The following RSRC1 variants were observed in gnomAD, a reference collection of about 807,000 sequenced individuals.
RSRC1 encodes serine/Arginine-related protein 53.
RSRC1 carries 39 observed loss-of-function variants against 49.1 expected under a neutral mutation model. The observed-to-expected ratio is 0.79, with a 90% CI of 0.61 to 1.04. RSRC1 has a LOEUF of 1.04. Ranked by LOEUF, RSRC1 falls within the 50% of genes least tolerant of loss-of-function variation. The pLI, the probability that RSRC1 is intolerant of heterozygous loss-of-function variation, is 0.00. For synonymous variants in RSRC1, 143 were observed against 130.8 expected (o/e 1.09, Z -0.63); for missense variants, 388 against 402.4 (o/e 0.96, Z 0.31).
intron 5 of RSRC1, among the ~76,000 whole-genome samples, chr3:158,348,334 G>A (rs1370474758): frequency 1.3e-5 from 2 of 152,120 alleles, no homozygotes; most frequent in Non-Finnish European, 2.9e-5. Flanking sequence ...TATAAGGATA[G>A]GCTTCTCTCT....
rs561167959 is a variant in RSRC1, at chr3:158,324,296, A to C, written c.531+26221A>C. Among the ~76,000 whole-genome samples the C allele has an allele frequency of 5.4e-3, 823 of 152,050 alleles. 4 individuals carry two copies. Among genetic ancestry groups the C allele is most frequent in the Non-Finnish European group, 9.6e-3 (651 of 67,994 alleles). ...TGTGCACAACGTGCAGGTTTGTTAC[A>C]TATGTATACATGTGCCATGTTGGTG... is the stretch of plus-strand genomic sequence containing the variant. On this transcript the variant is annotated intron_variant, in intron 5 of 9. Coordinates refer to ENST00000611884, the MANE Select transcript of RSRC1 (RefSeq NM_001271838.2).
At chr3:158,494,153 A>G (rs1739206603) in intron 7 of RSRC1, among the ~76,000 whole-genome samples, 1 of 152,168 alleles carries the variant, frequency 6.6e-6, no homozygotes, top group African/African-American at 2.4e-5. Context: ...ATTGTAGAGT[A>G]TACTCTCACA....
At chr3:158,353,419 C>T (rs1730982244) in intron 5 of RSRC1, among the ~76,000 whole-genome samples, 1 of 152,184 alleles carries the variant, frequency 6.6e-6, no homozygotes, top group South Asian at 2.1e-4. Context: ...AAATAATGAA[C>T]TCTTATTGTT....
chr3:158,448,261 GAATA>G (rs1201260950), intron 6 of RSRC1, among the ~76,000 whole-genome samples: 1 of 149,904 alleles, frequency 6.7e-6, no homozygotes, highest in African/African-American at 2.4e-5. Flanking sequence ...TTCTTTGAGA[GAATA>G]AATATCACAG....
chr3:158,296,813 G>C (rs1277758031), intron 4 of RSRC1, among the ~76,000 whole-genome samples: 1 of 151,936 alleles, frequency 6.6e-6, no homozygotes, highest in South Asian at 2.1e-4. Flanking sequence ...GAAGAGAATG[G>C]CTGAAAATTA....
chr3:158,438,909 A>T (rs534386967), intron 6 of RSRC1, among the ~76,000 whole-genome samples: 1 of 152,302 alleles, frequency 6.6e-6, no homozygotes, highest in South Asian at 2.1e-4. Flanking sequence ...ATTTTTTGCA[A>T]TCTACTCATC....
At chr3:158,174,425 C>T (rs1394685874) in intron 3 of RSRC1, among the ~76,000 whole-genome samples, 1 of 151,896 alleles carries the variant, frequency 6.6e-6, no homozygotes, top group African/African-American at 2.4e-5. Context: ...CAATGAATTA[C>T]TGTATTATAG....
intron 5 of RSRC1, among the ~76,000 whole-genome samples, chr3:158,308,930 G>C (rs1559986409): frequency 1.3e-5 from 2 of 151,946 alleles, no homozygotes; most frequent in Non-Finnish European, 2.9e-5. Context: ...AGTTACCGAA[G>C]ATGAGAGGTA....
intron 7 of RSRC1, among the ~76,000 whole-genome samples, chr3:158,498,869 C>G (rs1739465820): frequency 6.6e-6 from 1 of 152,100 alleles, no homozygotes; most frequent in African/African-American, 2.4e-5. Flanking sequence ...TGTCGAAGAT[C>G]AGTTGGCTGG....
At chr3:158,362,194 G>T (rs1290111084) in intron 6 of RSRC1, among the ~76,000 whole-genome samples, 2 of 152,056 alleles carry the variant, frequency 1.3e-5, no homozygotes, top group African/African-American at 4.8e-5. Flanking sequence ...ACAAAAATTA[G>T]CCAGGCATGG....
At chr3:158,333,388 A>G (rs1206812906) in intron 5 of RSRC1, among the ~76,000 whole-genome samples, 3 of 152,200 alleles carry the variant, frequency 2.0e-5, no homozygotes, top group Non-Finnish European at 4.4e-5. Flanking sequence ...TTACTATGAA[A>G]CATGCCCTCT....
chr3:158,177,281 C>T (rs1233395460), intron 3 of RSRC1, among the ~76,000 whole-genome samples: 1 of 152,166 alleles, frequency 6.6e-6, no homozygotes, highest in Non-Finnish European at 1.5e-5. Flanking sequence ...ACCCAGCAAT[C>T]CCATTTCTGC....
intron 7 of RSRC1, among the ~76,000 whole-genome samples, chr3:158,533,871 A>T (rs1421086902): frequency 6.6e-6 from 1 of 151,638 alleles, no homozygotes; most frequent in African/African-American, 2.4e-5. Flanking sequence ...AAATTTATCT[A>T]CTTGTATGGG....
intron 6 of RSRC1, among the ~76,000 whole-genome samples, chr3:158,447,879 A>G (rs1360385224): frequency 2.0e-5 from 3 of 151,922 alleles, no homozygotes; most frequent in African/African-American, 7.2e-5. Flanking sequence ...TGAGGTATAT[A>G]ATTAATTATT....
At chr3:158,483,931 G>C (rs1397471344) in intron 7 of RSRC1, among the ~76,000 whole-genome samples, 1 of 152,038 alleles carries the variant, frequency 6.6e-6, no homozygotes, top group African/African-American at 2.4e-5. Flanking sequence ...ATCACTCTGA[G>C]ACCTTTTCCT....
intron 4 of RSRC1, among the ~76,000 whole-genome samples, chr3:158,217,027 G>C (rs1721979705): frequency 6.6e-6 from 1 of 151,572 alleles, no homozygotes; most frequent in Non-Finnish European, 1.5e-5. Context: ...TAGAACTTCA[G>C]CTATATCTAT....
At position 158,347,713 on chromosome 3, in the gene RSRC1, G is replaced by A. The variant is rs114999215; in HGVS notation, c.532-7144G>A. Among the ~76,000 whole-genome samples the A allele has an allele frequency of 1.2e-3, 186 of 151,960 alleles. 1 individual carries two copies. The highest frequency in any genetic ancestry group is 1.8e-3 in the Non-Finnish European group (119 of 67,972). The stretch of plus-strand genomic sequence containing the variant: ...GGCTTGTATGTGTAGTGCAACTAAT[G>A]GCTGACTAATTGTTTTGTTGTGTAG... On this transcript the variant is annotated intron_variant, in intron 5 of 9. Coordinates refer to ENST00000611884, the MANE Select transcript of RSRC1 (RefSeq NM_001271838.2).
chr3:158,445,194 CAT>C (rs1440339114), intron 6 of RSRC1, among the ~76,000 whole-genome samples: 1 of 152,202 alleles, frequency 6.6e-6, no homozygotes, highest in Non-Finnish European at 1.5e-5. Flanking sequence ...ACTATAAAGA[CAT>C]ATGCACGGGT....
rs569339449 is a variant in RSRC1 at position 158,354,227 on chromosome 3, G to C, written c.532-630G>C. The stretch of plus-strand genomic sequence containing the variant: ...GATGGTCTCGATCTCTTGACCTTGT[G>C]ATCCACCCGCCTCGGCCTCCCAAAG... On this transcript the variant is annotated intron_variant, in intron 5 of 9. Coordinates refer to ENST00000611884, the MANE Select transcript of RSRC1 (RefSeq NM_001271838.2). Among the ~76,000 whole-genome samples, 105 of 152,152 alleles carry C rather than the reference G, an allele frequency of 6.9e-4. 1 individual carries two copies. Among genetic ancestry groups the C allele is most frequent in the African/African-American group, 2.5e-3 (102 of 41,538 alleles).
Sources: allele counts gnomAD v4.1 joint callset (sites outside exome capture counted in the v4.1 genomes callset), GRCh38; gene constraint gnomAD v4.1.1; transcripts MANE v1.5; gene names NCBI Gene and HGNC (gene_info 2026-07-23, HGNC 2026-07-21).